ZNF48: variants seen among roughly 807,000 people sequenced by gnomAD.
ZNF48 encodes zinc finger protein 553.
Under a neutral mutation model 40.0 loss-of-function variants are expected in ZNF48, and 20 were observed. That is an observed-to-expected ratio of 0.50 (90% CI 0.35 to 0.73). The LOEUF (loss-of-function observed/expected upper bound fraction) is 0.73. Ranked by LOEUF, ZNF48 falls within the 30% of genes least tolerant of loss-of-function variation. The pLI is 0.01. For synonymous variants in ZNF48, 298 were observed against 329.7 expected (o/e 0.90, Z 1.04); for missense variants, 726 against 851.9 (o/e 0.85, Z 1.84).
chr16:30,394,216 T>C (rs1378013421), upstream of ZNF48, among the ~76,000 whole-genome samples: 1 of 152,194 alleles, frequency 6.6e-6, no homozygotes, highest in Non-Finnish European at 1.5e-5. Context: ...TTTGTGTACT[T>C]GCTCCTTTAG....
Position 30,398,482 on chromosome 16 carries a change from C to A in ZNF48, c.1232C>A (p.Pro411Gln). The A allele has an allele frequency of 1.3e-6, 2 of 1,587,612 alleles. No individual in the cohort carries two copies. Among genetic ancestry groups the A allele is most frequent in the Non-Finnish European group, 1.7e-6 (2 of 1,165,376 alleles). The change falls in exon 3 of 3, where the codon CCG (proline) becomes CAG (glutamine). Residue 411 changes from proline to glutamine, a missense_variant. Transcript: ENST00000613509. This position sits in a 1 kb window ranked among gnomAD's most constrained non-coding sequence, Gnocchi z 6.6. The part of the protein sequence containing the change: ...PPPPPLGTSP[P>Q]LTPRSPSHSG... Reference sequence around the variant, plus strand: ...CCACCTCCTCTGGGCACCAGCCCCCCGCTGACACCTCGAAGTCCCTCACAC... The same window carrying A: ...CCACCTCCTCTGGGCACCAGCCCCCAGCTGACACCTCGAAGTCCCTCACAC...
intron 1 of ZNF48, among the ~76,000 whole-genome samples, chr16:30,389,816 G>A (rs1208472480): frequency 4.4e-5 from 1 of 22,480 alleles, no homozygotes; most frequent in Non-Finnish European, 1.1e-4. Context: ...ATTTGGATTA[G>A]TTTTTTTTTT....
rs201174994 is a variant in ZNF48 at position 30,382,254 on chromosome 16, C to T, written c.-16+3844C>T. 6.2e-7 allele frequency: 1 copy of T among 1,613,108 alleles called. No individual in the cohort carries two copies. The highest frequency in any genetic ancestry group is 1.7e-5 in the Admixed American group (1 of 59,968). On this transcript the variant is annotated intron_variant, in intron 1 of 2. Coordinates refer to the ZNF48 transcript ENST00000528032. This position sits in a 1 kb window ranked among gnomAD's most constrained non-coding sequence, Gnocchi z 4.8. The stretch of plus-strand genomic sequence containing the variant: ...TCCTAAGGACATCCCCTCCGCAGTT[C>T]CCTCTCCAAAACCCCCAGACCTGCC...
In ZNF48 at chr16:30,398,555, C is replaced by A; in HGVS notation, c.1305C>A (p.Gly435=). 1 of 1,609,832 alleles carries A rather than the reference C, an allele frequency of 6.2e-7. No homozygotes were observed. Among genetic ancestry groups the A allele is most frequent in the Non-Finnish European group, 8.5e-7 (1 of 1,178,564 alleles). Residue 435 remains glycine, a synonymous_variant, in exon 3 of 3, where the codon GGC becomes GGA. Transcript: ENST00000613509. This position sits in a 1 kb window ranked among gnomAD's most constrained non-coding sequence, Gnocchi z 6.6. ...GLPGLEPEPG[G]PQAGEPPPPL... ...CTGGCTTGGAGCCAGAGCCTGGGGG[C>A]CCACAGGCTGGGGAGCCACCCCCAC...
At chr16:30,395,396 C>T, upstream of ZNF48, 3 of 379,214 alleles carry the variant, frequency 7.9e-6, no homozygotes, top group Admixed American at 6.4e-5. This position sits in a 1 kb window ranked among gnomAD's most constrained non-coding sequence, Gnocchi z 5.9. Context: ...CGGCTCCGTG[C>T]GGCCCCGCGC....
intron 1 of ZNF48, among the ~76,000 whole-genome samples, chr16:30,386,792 G>A (rs1221281111): frequency 1.3e-5 from 2 of 150,832 alleles, no homozygotes; most frequent in African/African-American, 4.9e-5. Context: ...AGCCTCCCGA[G>A]TAGCTAGGAT....
intron 1 of ZNF48, among the ~76,000 whole-genome samples, chr16:30,387,189 C>A (rs574504564): frequency 1.3e-5 from 2 of 148,434 alleles, no homozygotes; most frequent in Non-Finnish European, 3.0e-5. Flanking sequence ...GTGATCCGCC[C>A]GCCTTGGCCT....
In ZNF48 at chr16:30,395,815, T is replaced by G. The variant is rs747914039; in HGVS notation, c.21T>G (p.Pro7=). 6.5e-7 allele frequency: 1 copy of G among 1,549,546 alleles called. No individual in the cohort carries two copies. Among genetic ancestry groups the G allele is most frequent in the Non-Finnish European group, 8.7e-7 (1 of 1,151,986 alleles). The change falls in exon 2 of 3, where the codon CCT becomes CCG. Residue 7 remains proline (P), a synonymous_variant. Transcript: ENST00000613509. This position sits in a 1 kb window ranked among gnomAD's most constrained non-coding sequence, Gnocchi z 5.9. ...CGGCGATGGAGCGCGCGGTAGAGCCTTGGGGCCCAGATCTCCACCGCCCGG... is the reference window on the plus strand; with the variant it reads ...CGGCGATGGAGCGCGCGGTAGAGCCGTGGGGCCCAGATCTCCACCGCCCGG... MERAVE[P]WGPDLHRPEE... is the part of the protein sequence containing the mutation.
chr16:30,383,410 C>T (rs1024560287), intron 1 of ZNF48, among the ~76,000 whole-genome samples: 4 of 152,124 alleles, frequency 2.6e-5, no homozygotes, highest in Non-Finnish European at 4.4e-5. Context: ...AGGATGGTTT[C>T]GATCTCCTGA....
chr16:30,383,183 T>TTTTCTTTC (rs757662117), intron 1 of ZNF48, among the ~76,000 whole-genome samples: 1 of 152,122 alleles, frequency 6.6e-6, no homozygotes, highest in African/African-American at 2.4e-5. Context: ...CCCTGTTTCT[T>TTTTCTTTC]TTTCTTTCTT....
At chr16:30,383,701 G>T (rs995402338) in intron 1 of ZNF48, among the ~76,000 whole-genome samples, 1 of 152,180 alleles carries the variant, frequency 6.6e-6, no homozygotes, top group Admixed American at 6.5e-5. Context: ...GTAACTCAGA[G>T]TCAAGTCTGA....
intron 1 of ZNF48, among the ~76,000 whole-genome samples, chr16:30,387,159 G>A (rs1160463752): frequency 4.7e-5 from 7 of 149,310 alleles, no homozygotes; most frequent in Admixed American, 2.0e-4. Flanking sequence ...TAGCCAGGAT[G>A]GTCTCGATCT....
intron 1 of ZNF48, chr16:30,379,373 C>A: frequency 6.7e-7 from 1 of 1,490,550 alleles, no homozygotes; most frequent in East Asian, 2.3e-5. Flanking sequence ...ATGTTGAGTG[C>A]GCCTGACCCA....
chr16:30,386,581 G>T (rs1394118492), intron 1 of ZNF48, among the ~76,000 whole-genome samples: 1 of 152,138 alleles, frequency 6.6e-6, no homozygotes, highest in Non-Finnish European at 1.5e-5. Flanking sequence ...GCTGAGGTGG[G>T]AGGATCGTCC....
chr16:30,387,275 C>T (rs768711065), intron 1 of ZNF48, among the ~76,000 whole-genome samples: 13 of 137,388 alleles, frequency 9.5e-5, no homozygotes, highest in East Asian at 2.6e-4. Flanking sequence ...AGTGTTTCGG[C>T]GGGGCGCCAT....
rs1172168683 is a variant in ZNF48 at position 30,397,937 on chromosome 16, T to C, written c.687T>C (p.Phe229=). Residue 229 remains phenylalanine, a synonymous_variant, in exon 3 of 3, where the codon TTT becomes TTC. Transcript: ENST00000613509. This position sits in a 1 kb window ranked among gnomAD's most constrained non-coding sequence, Gnocchi z 4.1. The part of the protein sequence containing the change: ...PYKCGICGKG[F]GDSSARIKHQ... Reference sequence around the variant, plus strand: ...AGTGTGGCATATGTGGCAAGGGCTTTGGCGACAGTTCCGCCCGCATCAAGC... The same window carrying C: ...AGTGTGGCATATGTGGCAAGGGCTTCGGCGACAGTTCCGCCCGCATCAAGC... The C allele has an allele frequency of 6.2e-7, 1 of 1,612,494 alleles. No homozygotes were observed. Among genetic ancestry groups the C allele is most frequent in the East Asian group, 2.2e-5 (1 of 44,836 alleles).
intron 1 of ZNF48, among the ~76,000 whole-genome samples, chr16:30,388,829 G>A (rs1407331247): frequency 2.0e-5 from 3 of 152,086 alleles, no homozygotes; most frequent in African/African-American, 7.2e-5. Flanking sequence ...AGGATGCAGA[G>A]GTTGCAGTGA....
Position 30,398,265 on chromosome 16 carries a change from G to A in ZNF48, c.1015G>A (p.Gly339Ser). The A allele has an allele frequency of 6.2e-7, 1 of 1,613,520 alleles. No homozygotes were observed. Among genetic ancestry groups the A allele is most frequent in the Non-Finnish European group, 8.5e-7 (1 of 1,180,024 alleles). ...CTACCTCTGCCCAGAGTGCGGCAAA[G>A]GTTTCGCGGACAGCTCCGCCCGAGT... ...KPYLCPECGK[G>S]FADSSARVKH... The change falls in exon 3 of 3, where the codon GGT (glycine) becomes AGT (serine). Residue 339 changes from glycine (G) to serine (S), a missense_variant. Gly to Ser is a moderately conservative substitution (Grantham distance 56, BLOSUM62 0). Transcript: ENST00000613509. The surrounding 1 kb of genome is among the most constrained non-coding windows in gnomAD (Gnocchi z 6.6).
chr16:30,378,802 G>A, intron 1 of ZNF48: 3 of 1,204,942 alleles, frequency 2.5e-6, no homozygotes, highest in Non-Finnish European at 3.5e-6. Context: ...TCTAGGAGGC[G>A]GAGCCAGTTC....
Sources: allele counts gnomAD v4.1 joint callset (sites outside exome capture counted in the v4.1 genomes callset), GRCh38; gene constraint gnomAD v4.1.1; non-coding constraint Gnocchi (gnomAD v3.1); transcripts MANE v1.5; gene names NCBI Gene and HGNC (gene_info 2026-07-23, HGNC 2026-07-21).